The following RRN3 variants were observed in gnomAD, a reference collection of about 807,000 sequenced individuals.
RRN3 encodes RNA polymerase I transcription factor RRN3, also known as RNA polymerase I-specific transcription initiation factor RRN3.
RRN3 carries 38 observed loss-of-function variants against 82.3 expected under a neutral mutation model. That is an observed-to-expected ratio of 0.46 (90% confidence interval 0.36 to 0.61). The LOEUF is 0.61. Ranked by LOEUF, RRN3 falls within the 20% of genes least tolerant of loss-of-function variation. The pLI, the probability that RRN3 is intolerant of heterozygous loss-of-function variation, is 0.00. For synonymous variants in RRN3, 284 were observed against 284.3 expected, an observed-to-expected ratio of 1.00 and a Z score of 0.01; for missense variants, 726 against 793.1, an observed-to-expected ratio of 0.92 and a Z score of 1.02.
chr16:15,069,965 T>C (rs921376320), intron 14 of RRN3, 105 bp downstream of exon 14: 28 of 1,456,022 alleles, frequency 1.9e-5, no homozygotes, highest in Non-Finnish European at 1.8e-5. Context: ...CATGCAGTTT[T>C]CTGAATCCAG....
chr16:15,086,578 G>A, intron 3 of RRN3, 124 bp from the exon 4 acceptor site: 9 of 1,437,988 alleles, frequency 6.3e-6, no homozygotes, highest in South Asian at 5.5e-5. Flanking sequence ...AACTTGGAAG[G>A]AACTCAAAAC....
rs1016301370 is a variant in RRN3 at position 15,070,189 on chromosome 16, G to A, written c.1325C>T (p.Ser442Leu). 2.5e-6 allele frequency: 4 copies of A among 1,608,952 alleles called. No homozygotes were observed. The highest frequency in any genetic ancestry group is 3.4e-6 in the Non-Finnish European group (4 of 1,179,024). ...WLHIYLNNQD[S>L]GTKAFCDVAL... ...AACATCGCAGAATGCCTTTGTTCCC[G>A]AATCCTGGTTATTAAGGTATATGTG... Residue 442 changes from serine (S) to leucine (L), a missense_variant, in exon 14 of 18, where the codon TCG (serine) becomes TTG (leucine). Physicochemically the swap from Ser to Leu is moderately radical, Grantham distance 145. Around this residue, in one of 4 missense-constraint regions of RRN3, gnomAD observed 81 missense variants for 156.4 expected, o/e 0.52. Transcript: ENST00000198767.
chr16:15,090,756 T>C (rs1186155903), intron 3 of RRN3, among the ~76,000 whole-genome samples: 1 of 152,168 alleles, frequency 6.6e-6, no homozygotes, highest in East Asian at 1.9e-4. Flanking sequence ...ACTGCCATAG[T>C]AATAAACCAT....
intron 8 of RRN3, among the ~76,000 whole-genome samples, chr16:15,080,943 T>A (rs1209349626): frequency 1.3e-5 from 2 of 152,194 alleles, no homozygotes; most frequent in African/African-American, 4.8e-5. Flanking sequence ...GTTTGTGGCA[T>A]GTTTTTAGGG....
In RRN3 at chr16:15,074,771, G is replaced by C. The variant is rs150785898; in HGVS notation, c.949C>G (p.Leu317Val). 1.8e-5 allele frequency: 29 copies of C among 1,614,068 alleles called. No individual in the cohort carries two copies. In the South Asian group the frequency reaches 3.2e-4, roughly 18 times the overall value. The change falls in exon 11 of 18, where the codon CTG becomes GTG. Residue 317 changes from leucine (L) to valine (V), a missense_variant. By Grantham distance (32) the Leu-to-Val change is conservative. Coordinates refer to ENST00000198767, the MANE Select transcript of RRN3 (RefSeq NM_018427.5). ...ATGTAGGACAAAACCAAAGACATCA[G>C]GATGTCCAGGCGCTCGGCTACAGGA... ...VHPVAERLDI[L>V]MSLVLSYMKD...
intron 6 of RRN3, 132 bp from the exon 7 acceptor site, chr16:15,084,837 G>T (rs1309031495): frequency 4.4e-6 from 3 of 680,342 alleles, no homozygotes; most frequent in Non-Finnish European, 5.4e-6. Context: ...AGGCCGAGGT[G>T]GGTGGATCAC....
chr16:15,087,733 G>T (rs2045964491), intron 3 of RRN3, among the ~76,000 whole-genome samples: 1 of 152,186 alleles, frequency 6.6e-6, no homozygotes, highest in Non-Finnish European at 1.5e-5. Context: ...CTAAGTTAGT[G>T]TACAAATAAA....
intron 2 of RRN3, among the ~76,000 whole-genome samples, chr16:15,091,575 G>C (rs925484909): frequency 6.6e-5 from 10 of 151,460 alleles, no homozygotes; most frequent in Non-Finnish European, 7.4e-5. Context: ...AAAGGAAAAT[G>C]ATAAACTACA....
chr16:15,061,657 A>T lies in RRN3; in HGVS notation c.*87T>A, dbSNP rs549282977. The stretch of plus-strand genomic sequence containing the variant: ...GCACTCGCTCTAGTTCAATGCCATC[A>T]ATGCCCAATGGCACAAGCTGGGTGC... On this transcript the variant is annotated 3_prime_UTR_variant, in exon 18 of 18. Coordinates refer to ENST00000198767, the MANE Select transcript of RRN3 (RefSeq NM_018427.5). 34 of 1,307,262 alleles carry T rather than the reference A, an allele frequency of 2.6e-5. No individual in the cohort carries two copies. The highest frequency in any genetic ancestry group is 3.5e-5 in the Non-Finnish European group (32 of 927,034). The allele number at this position is 1,307,262 out of a possible 1,614,324, so 81.0% of individuals were successfully genotyped here. A position where few individuals can be genotyped will look rare whatever the true frequency, so the allele number is the denominator to read the frequency against.
chr16:15,069,901 G>C (rs1350088126), intron 14 of RRN3, among the ~76,000 whole-genome samples, 169 bp downstream of exon 14: 1 of 152,110 alleles, frequency 6.6e-6, no homozygotes, highest in Non-Finnish European at 1.5e-5. Flanking sequence ...CTATCTTAAG[G>C]GGTTTGTAGG....
Position 15,079,786 on chromosome 16 carries a change from G to A in RRN3, c.765+212C>T, listed in dbSNP as rs56141830. On this transcript the variant is annotated intron_variant, in intron 9 of 17. Coordinates refer to ENST00000198767, the MANE Select transcript of RRN3 (RefSeq NM_018427.5). ...TTTTTATTTGTATTTTTATAGAGAC[G>A]GGGTTTCGCCATGTTGGCCAGGCTG... 2.1e-3 allele frequency among the ~76,000 whole-genome samples: 313 copies of A among 152,116 alleles called. 1 individual carries two copies. Among genetic ancestry groups the A allele is most frequent in the African/African-American group, 6.9e-3 (286 of 41,488 alleles).
chr16:15,070,500 G>A (rs1468276316), intron 13 of RRN3, among the ~76,000 whole-genome samples: 4 of 152,054 alleles, frequency 2.6e-5, no homozygotes, highest in South Asian at 2.1e-4. Context: ...CCCTAAGAAC[G>A]TCCCAAGGGA....
At chr16:15,083,017 G>A (rs2045768050) in intron 8 of RRN3, among the ~76,000 whole-genome samples, 1 of 152,308 alleles carries the variant, frequency 6.6e-6, no homozygotes, top group South Asian at 2.1e-4. Context: ...AAAAGGCACT[G>A]GGAATCCCCA....
intron 7 of RRN3, among the ~76,000 whole-genome samples, chr16:15,084,420 T>C (rs915040921): frequency 3.3e-5 from 5 of 151,952 alleles, no homozygotes; most frequent in East Asian, 3.9e-4. Flanking sequence ...CCATACAAAA[T>C]TGGGGGAGGA....
intron 3 of RRN3, among the ~76,000 whole-genome samples, chr16:15,088,311 A>G (rs1482301475): frequency 6.6e-6 from 1 of 152,114 alleles, no homozygotes; most frequent in East Asian, 1.9e-4. Flanking sequence ...CCTCATCTCC[A>G]GAAAAATTAG....
intron 10 of RRN3, among the ~76,000 whole-genome samples, chr16:15,075,122 C>T (rs569673007): frequency 7.9e-5 from 12 of 151,644 alleles, no homozygotes; most frequent in South Asian, 4.2e-4. Flanking sequence ...TGGTGGTGCA[C>T]GCCTGTAATT....
intron 1 of RRN3, 48 bp from the exon 2 acceptor site, chr16:15,092,662 A>G (rs2046183617): frequency 1.7e-6 from 2 of 1,186,912 alleles, no homozygotes; most frequent in Non-Finnish European, 2.5e-6. Context: ...AAATAATAAA[A>G]ATTATAATAG....
intron 1 of RRN3, among the ~76,000 whole-genome samples, chr16:15,092,843 C>G (rs560089865): frequency 6.6e-6 from 1 of 152,262 alleles, no homozygotes; most frequent in East Asian, 1.9e-4. Flanking sequence ...TCTTTAAGAT[C>G]CTACATTAAT....
chr16:15,090,325 G>A (rs953509520), intron 3 of RRN3, among the ~76,000 whole-genome samples: 29 of 152,244 alleles, frequency 1.9e-4, no homozygotes, highest in African/African-American at 4.1e-4. Flanking sequence ...ATGATACAGC[G>A]CAGTCAGCTG....
Sources: allele counts gnomAD v4.1 joint callset (sites outside exome capture counted in the v4.1 genomes callset), GRCh38; gene constraint gnomAD v4.1.1; regional missense constraint gnomAD v4.1.1; transcripts MANE v1.5; gene names NCBI Gene and HGNC (gene_info 2026-07-23, HGNC 2026-07-21).